Variants in CACNA1B observed in about 807,000 individuals in gnomAD.
CACNA1B encodes the protein voltage-dependent N-type calcium channel subunit alpha-1B.
In CACNA1B, 70 loss-of-function variants were observed where a neutral mutation model predicts 247.2. The observed-to-expected ratio is 0.28, with a 90% CI of 0.23 to 0.35. The LOEUF (loss-of-function observed/expected upper bound fraction) is 0.35. Ranked by LOEUF, CACNA1B falls within the 10% of genes least tolerant of loss-of-function variation. CACNA1B has a pLI of 1.00. For synonymous variants in CACNA1B, 1,231 were observed against 1,294.4 expected (o/e 0.95, Z 1.05); for missense variants, 2,367 against 3,197.4 (o/e 0.74, Z 6.26).
At chr9:137,966,225 A>ATTTTTTTT (rs963090283) in intron 10 of CACNA1B, among the ~76,000 whole-genome samples, 1 of 139,620 alleles carries the variant, frequency 7.2e-6, no homozygotes, top group African/African-American at 2.6e-5. Flanking sequence ...TGCCTTTTAA[A>ATTTTTTTT]TTTTTTTTTT....
rs1188997730 is a variant in CACNA1B, at chr9:137,889,261, TG to T, written c.530+6380del. Reference sequence around the variant, plus strand: ...AGGCTCTGCTTCAGCCTGGGGTCCTTGGACTGCAGCCCTGCGGGAGGTGCAG... The same window carrying T: ...AGGCTCTGCTTCAGCCTGGGGTCCTTGACTGCAGCCCTGCGGGAGGTGCAG... On this transcript the variant is annotated intron_variant, in intron 3 of 46. Coordinates refer to ENST00000371372, the MANE Select transcript of CACNA1B (RefSeq NM_000718.4). Among the ~76,000 whole-genome samples, 16 of 150,410 alleles carry T rather than the reference TG, an allele frequency of 1.1e-4. No individual in the cohort carries two copies. The East Asian group carries it at 2.7e-3, about 25-fold the overall frequency.
At chr9:137,927,971 G>A (rs1957570381) in intron 6 of CACNA1B, among the ~76,000 whole-genome samples, 1 of 152,284 alleles carries the variant, frequency 6.6e-6, no homozygotes, top group East Asian at 1.9e-4. Flanking sequence ...TGCATTCCCA[G>A]AATAAATCCC....
At chr9:137,889,253 G>C (rs1477490682) in intron 3 of CACNA1B, among the ~76,000 whole-genome samples, 1 of 150,318 alleles carries the variant, frequency 6.7e-6, no homozygotes, top group Non-Finnish European at 1.5e-5. Flanking sequence ...GCTTCAGCCT[G>C]GGGTCCTTGG....
chr9:138,024,768 G>A (rs1351388750), intron 19 of CACNA1B, among the ~76,000 whole-genome samples, 187 bp from the exon 20 acceptor site: 1 of 152,136 alleles, frequency 6.6e-6, no homozygotes, highest in Non-Finnish European at 1.5e-5. Context: ...CTGAATAGCT[G>A]GGACTACATG....
rs142414615 is a variant in CACNA1B, at chr9:137,882,635, A to G, written c.391-109A>G. The G allele has an allele frequency of 1.4e-3, 1,797 of 1,295,774 alleles. 19 individuals are homozygous for G. Among genetic ancestry groups the G allele is most frequent in the South Asian group, 0.014 (1,018 of 74,414 alleles). The allele number at this position is 1,295,774 out of a possible 1,614,324, so 80.3% of individuals were successfully genotyped here. ...GCAAGGTGAGGAGGGTCAGACCCTC[A>G]CGATAGCTGTGGCCTGCACATGGTG... On this transcript the variant is annotated intron_variant, in intron 2 of 46. Coordinates refer to ENST00000371372, the MANE Select transcript of CACNA1B (RefSeq NM_000718.4). This position sits in a 1 kb window ranked among gnomAD's most constrained non-coding sequence, Gnocchi z 4.0.
rs750658861 is a variant in CACNA1B at position 137,917,464 on chromosome 9, A to C, written c.966+33A>C. 1 of 1,595,728 alleles carries C rather than the reference A, an allele frequency of 6.3e-7. No homozygotes were observed. Among genetic ancestry groups the C allele is most frequent in the Admixed American group, 1.7e-5 (1 of 59,484 alleles). On this transcript the variant is annotated intron_variant, in intron 6 of 46. Transcript: ENST00000371372. This position sits in a 1 kb window ranked among gnomAD's most constrained non-coding sequence, Gnocchi z 5.5. Reference sequence around the variant, plus strand: ...GCGTCTTGGCCCTGGGCCTGAGGGCAGGCCCTGGACCTCCTGAGCTGGTGC... The same window carrying C: ...GCGTCTTGGCCCTGGGCCTGAGGGCCGGCCCTGGACCTCCTGAGCTGGTGC...
chr9:137,966,225 A>AT (rs963090283), intron 10 of CACNA1B, among the ~76,000 whole-genome samples: 2,064 of 139,594 alleles, frequency 0.015, 17 homozygotes, highest in East Asian at 0.024. Context: ...TGCCTTTTAA[A>AT]TTTTTTTTTT....
At chr9:138,028,397 T>C (rs1171374682) in intron 20 of CACNA1B, among the ~76,000 whole-genome samples, 1 of 152,206 alleles carries the variant, frequency 6.6e-6, no homozygotes, top group African/African-American at 2.4e-5. Flanking sequence ...TTGTAAAATA[T>C]AAAGCACAGA....
At chr9:138,005,166 T>C (rs1958631736) in intron 15 of CACNA1B, among the ~76,000 whole-genome samples, 1 of 152,226 alleles carries the variant, frequency 6.6e-6, no homozygotes, top group African/African-American at 2.4e-5. Flanking sequence ...GCCTGCCTCC[T>C]CATGCTCATG....
chr9:137,920,388 G>A (rs567419763), intron 6 of CACNA1B, among the ~76,000 whole-genome samples: 1 of 152,206 alleles, frequency 6.6e-6, no homozygotes, highest in East Asian at 1.9e-4. Context: ...GTGGAGACAG[G>A]GTTTCGCCAT....
chr9:137,938,112 C>T (rs183280957), intron 6 of CACNA1B, among the ~76,000 whole-genome samples: 2 of 152,168 alleles, frequency 1.3e-5, no homozygotes, highest in Non-Finnish European at 2.9e-5. Context: ...TATCTTCAGC[C>T]TCCTTAAACA....
At chr9:138,046,207 C>T (rs1026129249) in intron 21 of CACNA1B, among the ~76,000 whole-genome samples, 5 of 152,202 alleles carry the variant, frequency 3.3e-5, no homozygotes, top group Non-Finnish European at 5.9e-5. Flanking sequence ...CCTGTGTCCC[C>T]CAGTGTCCAG....
chr9:138,099,957 GGGC>G (rs1194477425), intron 37 of CACNA1B, among the ~76,000 whole-genome samples: 7 of 152,244 alleles, frequency 4.6e-5, no homozygotes, highest in Admixed American at 1.3e-4. Context: ...CCATGTGCTG[GGGC>G]AGGGGCCCAA....
Position 138,118,766 on chromosome 9 carries a change from CAGGT to C in CACNA1B, c.6030+3_6030+6del. 1 of 1,458,210 alleles carries C rather than the reference CAGGT, an allele frequency of 6.9e-7. No homozygotes were observed. The highest frequency in any genetic ancestry group is 1.2e-5 in the South Asian group (1 of 81,950). 90.3% of individuals were successfully genotyped at this position (1,458,210 alleles called of 1,614,324 possible). On this transcript the variant is annotated splice_donor_variant and coding_sequence_variant, in exon 44 of 47. Transcript: ENST00000371372. LOFTEE classifies it high-confidence loss of function. ...CATGCCCCGCCTTGCGGCCGAGACTCAGGTAGGTGGTCTGGGAGGGTCCAGGCCC... is the reference window on the plus strand; with the variant it reads ...CATGCCCCGCCTTGCGGCCGAGACTCAGGTGGTCTGGGAGGGTCCAGGCCC...
chr9:138,073,673 C>G lies in CACNA1B; in HGVS notation c.4791+69C>G. On this transcript the variant is annotated intron_variant, in intron 33 of 46. Transcript: ENST00000371372. The surrounding 1 kb of genome is among the most constrained non-coding windows in gnomAD (Gnocchi z 6.4). ...CGTCTTGCTTCCCCTGCCCCCACCA[C>G]AGTGGCCCCTCCTTTGGGAGGCTGG... The G allele has an allele frequency of 1.1e-6, 1 of 905,048 alleles. No homozygotes were observed. 56.1% of individuals were successfully genotyped at this position (905,048 alleles called of 1,614,324 possible).
chr9:138,036,760 T>C (rs1959052205), intron 20 of CACNA1B, among the ~76,000 whole-genome samples: 1 of 152,178 alleles, frequency 6.6e-6, no homozygotes, highest in African/African-American at 2.4e-5. Flanking sequence ...CTGTGCTCCG[T>C]CTCCACCCAC....
rs1264575785 is a variant in CACNA1B, at chr9:138,011,624, G to A, written c.2161-1505G>A. On this transcript the variant is annotated intron_variant, in intron 17 of 46. Transcript: ENST00000371372. The surrounding 1 kb of genome is among the most constrained non-coding windows in gnomAD (Gnocchi z 4.2). Reference sequence around the variant, plus strand: ...GGGACTTTAGAACACTCCCTGGAGTGACTGGCAAAGTCCCTGCCCCAGAGG... The same window carrying A: ...GGGACTTTAGAACACTCCCTGGAGTAACTGGCAAAGTCCCTGCCCCAGAGG... Among the ~76,000 whole-genome samples the A allele has an allele frequency of 6.6e-6, 1 of 152,200 alleles. No individual in the cohort carries two copies. Among genetic ancestry groups the A allele is most frequent in the East Asian group, 1.9e-4 (1 of 5,188 alleles).
intron 12 of CACNA1B, among the ~76,000 whole-genome samples, chr9:137,978,859 G>A (rs1958260408): frequency 6.6e-6 from 1 of 152,176 alleles, no homozygotes; most frequent in South Asian, 2.1e-4. Flanking sequence ...TTTGCATCAT[G>A]CTGTGCTTCT....
At chr9:137,915,823 A>G (rs1957403688) in intron 5 of CACNA1B, among the ~76,000 whole-genome samples, 1 of 136,354 alleles carries the variant, frequency 7.3e-6, no homozygotes, top group Non-Finnish European at 1.6e-5. Context: ...AGAAAAAGTT[A>G]AAAAAAAAAA....
Sources: gnomAD v4.1 joint callset for allele counts (sites outside exome capture counted in the v4.1 genomes callset) on GRCh38, gnomAD v4.1.1 for gene constraint, Gnocchi (gnomAD v3.1) non-coding constraint, MANE v1.5 for transcripts, NCBI Gene and HGNC (gene_info 2026-07-23, HGNC 2026-07-21) for gene names.